The following MYO7A variants were observed in gnomAD, a reference collection of about 807,000 sequenced individuals.
MYO7A encodes myosin VIIA, also known as unconventional myosin-VIIa.
In MYO7A, 210 loss-of-function variants were observed where a neutral mutation model predicts 263.8. That is an observed-to-expected ratio of 0.80 (90% CI 0.71 to 0.89). The LOEUF (loss-of-function observed/expected upper bound fraction) is 0.89. Ranked by LOEUF, MYO7A falls within the 40% of genes least tolerant of loss-of-function variation. The pLI is 0.00. For missense variants in MYO7A, 2,820 were observed against 2,968.3 expected (o/e 0.95, Z 1.16); for synonymous variants, 1,239 against 1,197.3 (o/e 1.03, Z -0.72).
chr11:77,142,308 C>A (rs1951261535), intron 2 of MYO7A, among the ~76,000 whole-genome samples: 1 of 152,192 alleles, frequency 6.6e-6, no homozygotes, highest in Non-Finnish European at 1.5e-5. Flanking sequence ...CAGCATTCAC[C>A]CACTGTCTGG....
chr11:77,177,420 G>A, intron 18 of MYO7A, 129 bp from the exon 19 acceptor site: 2 of 722,956 alleles, frequency 2.8e-6, no homozygotes, highest in East Asian at 5.4e-5. Flanking sequence ...GAGCCAGCTG[G>A]GAGCTCATGG....
chr11:77,128,645 G>A (rs1379388158), intron 1 of MYO7A, among the ~76,000 whole-genome samples, 156 bp downstream of exon 1: 1 of 152,212 alleles, frequency 6.6e-6, no homozygotes, highest in Non-Finnish European at 1.5e-5. Context: ...CACAGCCACT[G>A]AATGAAACTG....
chr11:77,179,628 G>T lies in MYO7A; in HGVS notation c.2368-107G>T, dbSNP rs1591371095. On this transcript the variant is annotated intron_variant, in intron 20 of 48. Coordinates refer to ENST00000409709, the MANE Select transcript of MYO7A (RefSeq NM_000260.4). ...GAGAGGAGACTGGGCCACGCCTTCT[G>T]GGGGTGCCTGTCTGAGAGTGGAGGC... 4 of 997,202 alleles carry T rather than the reference G, an allele frequency of 4.0e-6. No individual in the cohort carries two copies. The East Asian group carries it at 1.1e-4, about 26-fold the overall frequency. The allele number at this position is 997,202 out of a possible 1,614,324, so 61.8% of individuals were successfully genotyped here. A position where few individuals can be genotyped will look rare whatever the true frequency, so the allele number is the denominator to read the frequency against.
rs773907543 is a variant in MYO7A at position 77,208,516 on chromosome 11, C to T, written c.5943C>T (p.Asp1981=). The change falls in exon 43 of 49, where the codon GAC becomes GAT. Residue 1981 remains aspartate (D), a splice_region_variant and synonymous_variant. Transcript: ENST00000409709. ...DWIKKARPIK[D]GIVPSLTYQV... The stretch of plus-strand genomic sequence containing the variant: ...TAAAGAAAGCTCGGCCCATCAAGGA[C>T]GGTAATGAGGCCGGGTCCTGGGATC... The T allele has an allele frequency of 3.0e-5, 49 of 1,612,074 alleles. No homozygotes were observed. Among genetic ancestry groups the T allele is most frequent in the South Asian group, 1.7e-4 (15 of 90,720 alleles).
rs187679481 is a variant in MYO7A, at chr11:77,159,496, G to T, written c.1053G>T (p.Ser351=). The T allele has an allele frequency of 6.3e-7, 1 of 1,594,740 alleles. No homozygotes were observed. Among genetic ancestry groups the T allele is most frequent in the Non-Finnish European group, 8.6e-7 (1 of 1,169,110 alleles). ...CCTGTGAGGTTCTCTTCTCCCCATC[G>T]CTGGCCACAGCTGCATCCCTGCTTG... ...LDACEVLFSP[S]LATAASLLEV... The change falls in exon 10 of 49, where the codon TCG becomes TCT. Residue 351 remains serine, a synonymous_variant. Transcript: ENST00000409709.
At chr11:77,135,008 C>A (rs1555047024) in intron 2 of MYO7A, among the ~76,000 whole-genome samples, 1 of 152,116 alleles carries the variant, frequency 6.6e-6, no homozygotes. Context: ...TGGTCTTGAA[C>A]CCCTGACCTC....
intron 30 of MYO7A, 119 bp downstream of exon 30, chr11:77,190,989 T>G: frequency 8.5e-7 from 1 of 1,179,640 alleles, no homozygotes; most frequent in South Asian, 1.6e-5. Flanking sequence ...GGTTTCCCCC[T>G]GAGCCTGTGC....
chr11:77,191,873 G>A (rs1956104843), intron 30 of MYO7A, among the ~76,000 whole-genome samples, 178 bp from the exon 31 acceptor site: 1 of 152,206 alleles, frequency 6.6e-6, no homozygotes, highest in Admixed American at 6.5e-5. Context: ...GAAGGCAATG[G>A]TGGGGGTGCG....
chr11:77,206,573 C>A (rs1028625644), intron 41 of MYO7A, among the ~76,000 whole-genome samples: 1 of 152,226 alleles, frequency 6.6e-6, no homozygotes, highest in African/African-American at 2.4e-5. Flanking sequence ...GTCGACTGAG[C>A]CCACTTTCCT....
rs782032952 is a variant in MYO7A, at chr11:77,142,811, G to T, written c.121G>T (p.Asp41Tyr). 1.2e-6 allele frequency: 2 copies of T among 1,606,966 alleles called. No individual in the cohort carries two copies. The highest frequency in any genetic ancestry group is 1.7e-6 in the Non-Finnish European group (2 of 1,176,966). The change falls in exon 3 of 49, where the codon GAT becomes TAT. Residue 41 changes from aspartate (D) to tyrosine (Y), a missense_variant. Coordinates refer to ENST00000409709, the MANE Select transcript of MYO7A (RefSeq NM_000260.4). The stretch of plus-strand genomic sequence containing the variant: ...CTCTGGGCAGGTCCAGGTGGTGGAT[G>T]ATGAAGACAATGTGAGTAGTCCCCT... ...CDSGQVQVVD[D>Y]EDNEHWISPQ...
At chr11:77,204,494 C>T (rs916394013) in intron 39 of MYO7A, among the ~76,000 whole-genome samples, 1 of 152,252 alleles carries the variant, frequency 6.6e-6, no homozygotes, top group Admixed American at 6.5e-5. Flanking sequence ...TTGGCTGGAG[C>T]CTCGTCTGGA....
At chr11:77,155,732 A>G (rs1288422095) in intron 4 of MYO7A, among the ~76,000 whole-genome samples, 175 bp from the exon 5 acceptor site, 3 of 152,232 alleles carry the variant, frequency 2.0e-5, no homozygotes, top group Non-Finnish European at 4.4e-5. Flanking sequence ...TGCTGGACAG[A>G]AGGCCCTGCC....
chr11:77,208,679 G>A lies in MYO7A; in HGVS notation c.5945-18G>A, dbSNP rs1384824320. 5.1e-6 allele frequency: 8 copies of A among 1,557,108 alleles called. No homozygotes were observed. In the Admixed American group the frequency reaches 5.6e-5, roughly 11 times the overall value. ...CTGTGCAGGGACCCTCTGGGTGACC[G>A]ACTGCCCTGTGCTGCAGGAATTGTG... On this transcript the variant is annotated intron_variant, in intron 43 of 48. Coordinates refer to ENST00000409709, the MANE Select transcript of MYO7A (RefSeq NM_000260.4).
At chr11:77,135,618 C>T (rs1377979928) in intron 2 of MYO7A, among the ~76,000 whole-genome samples, 1 of 152,102 alleles carries the variant, frequency 6.6e-6, no homozygotes, top group African/African-American at 2.4e-5. Context: ...TATGGTAATT[C>T]TCATTTTAAT....
intron 17 of MYO7A, 81 bp downstream of exon 17, chr11:77,174,995 C>T: frequency 6.5e-7 from 1 of 1,550,224 alleles, no homozygotes; most frequent in East Asian, 2.3e-5. Flanking sequence ...CTTATCAGGA[C>T]CATGGGCGGG....
chr11:77,128,940 G>A (rs1950686217), intron 1 of MYO7A, among the ~76,000 whole-genome samples: 1 of 152,220 alleles, frequency 6.6e-6, no homozygotes, highest in Non-Finnish European at 1.5e-5. Flanking sequence ...CAGGGTTGTA[G>A]TGGGGAAGAG....
intron 4 of MYO7A, among the ~76,000 whole-genome samples, chr11:77,154,788 G>A (rs1257449662): frequency 6.6e-6 from 1 of 152,114 alleles, no homozygotes; most frequent in East Asian, 1.9e-4. Flanking sequence ...GCAGTTTCTG[G>A]CCAGCCCTCC....
At chr11:77,152,648 C>T (rs781788473) in intron 4 of MYO7A, among the ~76,000 whole-genome samples, 10 of 151,956 alleles carry the variant, frequency 6.6e-5, no homozygotes, top group African/African-American at 9.7e-5. Context: ...GATCTAGTTG[C>T]TCTTTCGGCC....
rs1185345197 is a variant in MYO7A at position 77,138,669 on chromosome 11, G to T, written c.19-4040G>T. Among the ~76,000 whole-genome samples the T allele has an allele frequency of 1.3e-5, 2 of 152,164 alleles. No individual in the cohort carries two copies. Among genetic ancestry groups the T allele is most frequent in the African/African-American group, 2.4e-5 (1 of 41,444 alleles). ...CAAGCCAGGCAGGCCAGGTCTGGGCGGGGGTGTCCTGCATTTGCTGAGATC... is the reference window on the plus strand; with the variant it reads ...CAAGCCAGGCAGGCCAGGTCTGGGCTGGGGTGTCCTGCATTTGCTGAGATC... On this transcript the variant is annotated intron_variant, in intron 2 of 48. Coordinates refer to ENST00000409709, the MANE Select transcript of MYO7A (RefSeq NM_000260.4). The surrounding 1 kb of genome is among the most constrained non-coding windows in gnomAD (Gnocchi z 4.9).
Sources: allele counts gnomAD v4.1 joint callset (sites outside exome capture counted in the v4.1 genomes callset), GRCh38; gene constraint gnomAD v4.1.1; non-coding constraint Gnocchi (gnomAD v3.1); transcripts MANE v1.5; gene names NCBI Gene and HGNC (gene_info 2026-07-23, HGNC 2026-07-21).